Variants in SLCO4C1 observed in about 807,000 individuals in gnomAD.
SLCO4C1 encodes the protein solute carrier organic anion transporter family member 4C1, also known as organic anion transporter M1.
Under a neutral mutation model 72.1 loss-of-function variants are expected in SLCO4C1, and 58 were observed. The ratio of observed to expected loss-of-function variants is 0.80; its 90% confidence interval spans 0.65 to 1.00. The LOEUF is 1.00. Ranked by LOEUF, SLCO4C1 falls within the 50% of genes least tolerant of loss-of-function variation. The pLI, the probability that SLCO4C1 is intolerant of heterozygous loss-of-function variation, is 0.00. For synonymous variants in SLCO4C1, 297 were observed against 312.5 expected (o/e 0.95, Z 0.52); for missense variants, 898 against 857.9 (o/e 1.05, Z -0.58).
Position 102,266,504 on chromosome 5 carries a change from G to T in SLCO4C1, c.803-2724C>A, listed in dbSNP as rs1432764644. 4.6e-5 allele frequency among the ~76,000 whole-genome samples: 7 copies of T among 152,104 alleles called. No homozygotes were observed. In the East Asian group the frequency reaches 1.3e-3, roughly 29 times the overall value. On this transcript the variant is annotated intron_variant, in intron 3 of 12. Coordinates refer to ENST00000310954, the MANE Select transcript of SLCO4C1 (RefSeq NM_180991.5). ...GTCTCTACTAAAAATACAAAAATTAGCCAGGTGTGGTGGCAGGTGCCTGTA... is the reference window on the plus strand; with the variant it reads ...GTCTCTACTAAAAATACAAAAATTATCCAGGTGTGGTGGCAGGTGCCTGTA...
At chr5:102,278,457 C>T (rs936699566) in intron 2 of SLCO4C1, among the ~76,000 whole-genome samples, 1 of 152,130 alleles carries the variant, frequency 6.6e-6, no homozygotes, top group Non-Finnish European at 1.5e-5. Context: ...AGGATATAAA[C>T]TAACTTATCA....
At chr5:102,246,065 T>C (rs78790238) in intron 10 of SLCO4C1, among the ~76,000 whole-genome samples, 17,648 of 151,540 alleles carry the variant, frequency 0.12, 1,215 homozygotes, top group African/African-American at 0.15. Flanking sequence ...TTTATAGCTA[T>C]ACATCAAAAA....
chr5:102,234,408 T>C lies in SLCO4C1; in HGVS notation c.*2450A>G, dbSNP rs942522549. ...ATAAAGGAGGTATTCTTTTAAAATA[T>C]GTACCTTATATATAAAAGCTCCTGA... is the stretch of plus-strand genomic sequence containing the variant. On this transcript the variant is annotated 3_prime_UTR_variant, in exon 13 of 13. Transcript: ENST00000310954. The C allele has an allele frequency of 2.6e-5, 4 of 152,618 alleles. No individual in the cohort carries two copies. Among genetic ancestry groups the C allele is most frequent in the South Asian group, 2.1e-4 (1 of 4,834 alleles). 9.5% of individuals were successfully genotyped at this position (152,618 alleles called of 1,614,324 possible).
intron 2 of SLCO4C1, among the ~76,000 whole-genome samples, chr5:102,275,033 T>A (rs1749223609): frequency 6.6e-6 from 1 of 152,040 alleles, no homozygotes; most frequent in Non-Finnish European, 1.5e-5. Context: ...AAAATTAAGA[T>A]TAGGGCACTG....
intron 9 of SLCO4C1, 41 bp downstream of exon 9, chr5:102,249,597 C>T (rs749859452): frequency 6.2e-7 from 1 of 1,608,876 alleles, no homozygotes; most frequent in Admixed American, 1.7e-5. Flanking sequence ...AATCCACAAA[C>T]ATATTGCCTC....
rs1748404925 is a variant in SLCO4C1, at chr5:102,234,844, C to A, written c.*2014G>T. On this transcript the variant is annotated 3_prime_UTR_variant, in exon 13 of 13. Transcript: ENST00000310954. ...GGGCTCCAATAGGAAGCAGCATTTACAACGTGTCTGGCTTGGTGGGAGGAA... is the reference window on the plus strand; with the variant it reads ...GGGCTCCAATAGGAAGCAGCATTTAAAACGTGTCTGGCTTGGTGGGAGGAA... 2.0e-5 allele frequency: 3 copies of A among 152,178 alleles called. No homozygotes were observed. The allele number at this position is 152,178 out of a possible 1,614,324, so 9.4% of individuals were successfully genotyped here.
chr5:102,249,921 G>T, intron 8 of SLCO4C1, 133 bp from the exon 9 acceptor site: 3 of 872,990 alleles, frequency 3.4e-6, no homozygotes, highest in African/African-American at 1.7e-5. Flanking sequence ...CAAATAAAAC[G>T]TCTTCCTTTG....
chr5:102,243,357 A>C (rs1402497312), intron 10 of SLCO4C1, among the ~76,000 whole-genome samples: 1 of 152,188 alleles, frequency 6.6e-6, no homozygotes, highest in African/African-American at 2.4e-5. Flanking sequence ...AAACAGAACT[A>C]GTAACCATGG....
At chr5:102,270,146 C>G (rs1347684303) in intron 3 of SLCO4C1, among the ~76,000 whole-genome samples, 2 of 152,094 alleles carry the variant, frequency 1.3e-5, no homozygotes, top group East Asian at 3.9e-4. Flanking sequence ...TTAGCTTTAC[C>G]TTGCAGGAAC....
At chr5:102,240,355 T>C (rs1243695946) in intron 11 of SLCO4C1, among the ~76,000 whole-genome samples, 1 of 152,118 alleles carries the variant, frequency 6.6e-6, no homozygotes, top group Non-Finnish European at 1.5e-5. Flanking sequence ...ACAGTTGCTG[T>C]TGAAACATTT....
chr5:102,240,537 TA>T lies in SLCO4C1; in HGVS notation c.1876+180del, dbSNP rs1401494078. Among the ~76,000 whole-genome samples, 11 of 152,074 alleles carry T rather than the reference TA, an allele frequency of 7.2e-5. No individual in the cohort carries two copies. The East Asian group carries it at 1.5e-3, about 21-fold the overall frequency. Reference sequence around the variant, plus strand: ...GGAACAGGTAACCAGTCAGGTAGGTTAAAAGTATGCAATAAGTAAATAATCC... The same window carrying T: ...GGAACAGGTAACCAGTCAGGTAGGTTAAAGTATGCAATAAGTAAATAATCC... On this transcript the variant is annotated intron_variant, in intron 11 of 12. Transcript: ENST00000310954.
At chr5:102,295,713 T>C (rs1749636701) in intron 1 of SLCO4C1, among the ~76,000 whole-genome samples, 195 bp downstream of exon 1, 1 of 152,248 alleles carries the variant, frequency 6.6e-6, no homozygotes, top group Non-Finnish European at 1.5e-5. Flanking sequence ...AAGGAGAAGC[T>C]GAACTTTGGA....
rs1300928974 is a variant in SLCO4C1, at chr5:102,235,564, C to T, written c.*1294G>A. The T allele has an allele frequency of 6.6e-6, 1 of 152,252 alleles. No homozygotes were observed. The highest frequency in any genetic ancestry group is 1.5e-5 in the Non-Finnish European group (1 of 68,046). The allele number at this position is 152,252 out of a possible 1,614,324, so 9.4% of individuals were successfully genotyped here. A position where few individuals can be genotyped will look rare whatever the true frequency, so the allele number is the denominator to read the frequency against. On this transcript the variant is annotated 3_prime_UTR_variant, in exon 13 of 13. Coordinates refer to ENST00000310954, the MANE Select transcript of SLCO4C1 (RefSeq NM_180991.5). ...CAATGCATCAGTTAAAGCAGGGGTCCCCAGCCCTGGGCTGTGTGTGGCCTG... is the reference window on the plus strand; with the variant it reads ...CAATGCATCAGTTAAAGCAGGGGTCTCCAGCCCTGGGCTGTGTGTGGCCTG...
At chr5:102,266,334 C>A (rs1749038055) in intron 3 of SLCO4C1, among the ~76,000 whole-genome samples, 1 of 152,066 alleles carries the variant, frequency 6.6e-6, no homozygotes, top group African/African-American at 2.4e-5. Context: ...ACTTCCAGTA[C>A]CATGTTGAAT....
chr5:102,249,294 G>A (rs983082202), intron 9 of SLCO4C1, among the ~76,000 whole-genome samples: 4 of 152,054 alleles, frequency 2.6e-5, no homozygotes, highest in African/African-American at 9.7e-5. Context: ...GCCATCGGCA[G>A]GACTTAAGTA....
chr5:102,289,374 G>T (rs1451721993), intron 2 of SLCO4C1, among the ~76,000 whole-genome samples: 1 of 152,170 alleles, frequency 6.6e-6, no homozygotes, highest in Non-Finnish European at 1.5e-5. Context: ...GAAGATCGTG[G>T]AAGACAGATC....
intron 3 of SLCO4C1, among the ~76,000 whole-genome samples, chr5:102,264,886 T>C (rs1398423932): frequency 6.6e-6 from 1 of 152,022 alleles, no homozygotes; most frequent in Non-Finnish European, 1.5e-5. Flanking sequence ...GCAATATTTA[T>C]CTTCTGTGCC....
intron 1 of SLCO4C1, among the ~76,000 whole-genome samples, chr5:102,293,796 G>T (rs896244915): frequency 6.6e-6 from 1 of 151,956 alleles, no homozygotes; most frequent in Non-Finnish European, 1.5e-5. Flanking sequence ...GTGCAGTGGC[G>T]CCATCTCGGC....
At chr5:102,240,561 T>A (rs565227931) in intron 11 of SLCO4C1, among the ~76,000 whole-genome samples, 157 bp downstream of exon 11, 1 of 152,068 alleles carries the variant, frequency 6.6e-6, no homozygotes, top group Non-Finnish European at 1.5e-5. Context: ...AAGTAAATAA[T>A]CCTATATCTG....
Sources: gnomAD v4.1 joint callset for allele counts (sites outside exome capture counted in the v4.1 genomes callset) on GRCh38, gnomAD v4.1.1 for gene constraint, MANE v1.5 for transcripts, NCBI Gene and HGNC (gene_info 2026-07-23, HGNC 2026-07-21) for gene names.